The following ZNF804B variants were observed in gnomAD, a reference collection of about 807,000 sequenced individuals.
ZNF804B encodes zinc finger 804B.
A neutral mutation model predicts 101.4 loss-of-function variants in ZNF804B; 80 were observed. That is an observed-to-expected ratio of 0.79 (90% CI 0.66 to 0.95). The LOEUF (loss-of-function observed/expected upper bound fraction) is 0.95. Ranked by LOEUF, ZNF804B falls within the 40% of genes least tolerant of loss-of-function variation. ZNF804B has a pLI of 0.00. For synonymous variants in ZNF804B, 622 were observed against 558.8 expected (o/e 1.11, Z -1.59); for missense variants, 1,673 against 1,561.9 (o/e 1.07, Z -1.20).
chr7:88,871,283 T>G (rs1298319788), intron 1 of ZNF804B, among the ~76,000 whole-genome samples: 3 of 152,102 alleles, frequency 2.0e-5, no homozygotes, highest in Non-Finnish European at 4.4e-5. Flanking sequence ...TATTAGGGAA[T>G]CTGAACTGAA....
chr7:88,775,728 C>T (rs1361051957), intron 1 of ZNF804B, among the ~76,000 whole-genome samples: 1 of 152,142 alleles, frequency 6.6e-6, no homozygotes, highest in Non-Finnish European at 1.5e-5. Flanking sequence ...AGTCAACAGA[C>T]GAGGCAACTC....
intron 1 of ZNF804B, among the ~76,000 whole-genome samples, chr7:88,926,943 C>CGGGGG (rs371226583): frequency 2.8e-5 from 4 of 144,448 alleles, no homozygotes; most frequent in African/African-American, 1.1e-4. Context: ...TGGTGGGGAG[C>CGGGGG]GGGGGGAAAG....
chr7:89,273,017 G>GT (rs1789921955), intron 2 of ZNF804B, among the ~76,000 whole-genome samples: 2 of 151,984 alleles, frequency 1.3e-5, no homozygotes, highest in African/African-American at 4.8e-5. Context: ...ATAAACAGTT[G>GT]TTTTTTGTAA....
intron 1 of ZNF804B, among the ~76,000 whole-genome samples, chr7:88,809,880 C>T (rs1350761816): frequency 6.6e-6 from 1 of 152,186 alleles, no homozygotes; most frequent in Non-Finnish European, 1.5e-5. Context: ...CAGTAACCAT[C>T]CTGACCTTTC....
rs759010723 is a variant in ZNF804B, at chr7:89,336,158, T to G, written c.3176T>G (p.Ile1059Ser). ...KEQSKPLISEIQPFIQSCDPV... is the reference protein window; with the variant it reads ...KEQSKPLISESQPFIQSCDPV... ...CAATCAAAACCTTTAATTAGTGAAA[T>G]CCAACCTTTTATTCAAAGCTGTGAC... Residue 1059 changes from isoleucine (I) to serine (S), a missense_variant, in exon 4 of 4, where the codon ATC becomes AGC. Physicochemically the swap from Ile to Ser is moderately radical, Grantham distance 142. Coordinates refer to ENST00000333190, the MANE Select transcript of ZNF804B (RefSeq NM_181646.5). 1.2e-6 allele frequency: 2 copies of G among 1,613,896 alleles called. No individual in the cohort carries two copies. Among genetic ancestry groups the G allele is most frequent in the East Asian group, 2.2e-5 (1 of 44,836 alleles).
chr7:89,129,236 A>T (rs976762916), intron 1 of ZNF804B, among the ~76,000 whole-genome samples: 1 of 152,026 alleles, frequency 6.6e-6, no homozygotes, highest in Non-Finnish European at 1.5e-5. Context: ...GATCCACCTT[A>T]TATATTCAAT....
intron 1 of ZNF804B, among the ~76,000 whole-genome samples, chr7:88,911,536 T>C (rs1792550778): frequency 2.0e-5 from 3 of 150,656 alleles, no homozygotes; most frequent in Admixed American, 2.0e-4. Flanking sequence ...AAACTTCTTT[T>C]CACCTAATAT....
chr7:88,891,482 C>A (rs963469398), intron 1 of ZNF804B, among the ~76,000 whole-genome samples: 3 of 152,086 alleles, frequency 2.0e-5, no homozygotes, highest in Non-Finnish European at 4.4e-5. Flanking sequence ...ATTAGACTAT[C>A]ATGTAATTCA....
rs188674573 is a variant in ZNF804B at position 89,202,915 on chromosome 7, G to A, written c.109-15240G>A. Among the ~76,000 whole-genome samples the A allele has an allele frequency of 6.1e-4, 93 of 151,982 alleles. 1 individual carries two copies. Among genetic ancestry groups the A allele is most frequent in the Admixed American group, 5.3e-3 (81 of 15,264 alleles). ...TACAATGGGCCCACAACTTCTATTC[G>A]TATTGTAGCTACAATAGACGTATTG... On this transcript the variant is annotated intron_variant, in intron 1 of 3. Coordinates refer to ENST00000333190, the MANE Select transcript of ZNF804B (RefSeq NM_181646.5).
chr7:88,968,561 G>A (rs1793489112), intron 1 of ZNF804B, among the ~76,000 whole-genome samples: 1 of 151,578 alleles, frequency 6.6e-6, no homozygotes, highest in Admixed American at 6.6e-5. Context: ...GATATGGTGA[G>A]TGCCTTGAAC....
At chr7:88,975,841 A>T (rs1793608906) in intron 1 of ZNF804B, among the ~76,000 whole-genome samples, 1 of 151,356 alleles carries the variant, frequency 6.6e-6, no homozygotes, top group Non-Finnish European at 1.5e-5. Context: ...CCCAAAGTGC[A>T]TGCAACCAAA....
chr7:88,842,466 G>T (rs759720332), intron 1 of ZNF804B, among the ~76,000 whole-genome samples: 1 of 152,184 alleles, frequency 6.6e-6, no homozygotes, highest in Non-Finnish European at 1.5e-5. Context: ...GCCTGCAGCA[G>T]ACATTTATGA....
At chr7:88,889,261 A>T (rs1037028177) in intron 1 of ZNF804B, among the ~76,000 whole-genome samples, 1 of 152,096 alleles carries the variant, frequency 6.6e-6, no homozygotes, top group Admixed American at 6.6e-5. Context: ...ATAGGAGTAC[A>T]TGTGTCTTTC....
At chr7:88,859,763 TATTTAGATATAAAC>T in intron 1 of ZNF804B, among the ~76,000 whole-genome samples, 1 of 151,966 alleles carries the variant, frequency 6.6e-6, no homozygotes, top group South Asian at 2.1e-4. Context: ...AATATAGTGT[TATTTAGATATAAAC>T]TAATATCTAT....
chr7:88,858,925 GA>G (rs1228913810), intron 1 of ZNF804B, among the ~76,000 whole-genome samples: 1 of 151,960 alleles, frequency 6.6e-6, no homozygotes, highest in Non-Finnish European at 1.5e-5. Flanking sequence ...GTAATTTTAG[GA>G]AATAAAACAG....
At chr7:89,282,193 T>C in intron 2 of ZNF804B, among the ~76,000 whole-genome samples, 1 of 104,672 alleles carries the variant, frequency 9.6e-6, no homozygotes. Context: ...AGAGCGAGAC[T>C]CCGTCTAAAA....
intron 1 of ZNF804B, among the ~76,000 whole-genome samples, chr7:88,849,428 TTATAAA>T (rs1331594016): frequency 3.9e-5 from 6 of 151,906 alleles, no homozygotes; most frequent in Non-Finnish European, 8.8e-5. Context: ...ATATTTTTAA[TTATAAA>T]TATTGAGTAA....
chr7:89,059,458 A>G (rs1446300773), intron 1 of ZNF804B, among the ~76,000 whole-genome samples: 1 of 151,988 alleles, frequency 6.6e-6, no homozygotes, highest in Non-Finnish European at 1.5e-5. Flanking sequence ...GAAAAGGAGG[A>G]GATCTTAGAC....
In ZNF804B at chr7:88,886,099, C is replaced by T. The variant is rs116408237; in HGVS notation, c.108+126015C>T. 1.8e-3 allele frequency among the ~76,000 whole-genome samples: 277 copies of T among 151,860 alleles called. 2 individuals are homozygous for T. The highest frequency in any genetic ancestry group is 6.1e-3 in the African/African-American group (254 of 41,434). On this transcript the variant is annotated intron_variant, in intron 1 of 3. Transcript: ENST00000333190. ...TAAGATATGAACATAATTTAGGAGA[C>T]GAATTAGTTCAAAACAATGGACCAT... is the stretch of plus-strand genomic sequence containing the variant.
Sources: gnomAD v4.1 joint callset for allele counts (sites outside exome capture counted in the v4.1 genomes callset) on GRCh38, gnomAD v4.1.1 for gene constraint, MANE v1.5 for transcripts, NCBI Gene and HGNC (gene_info 2026-07-23, HGNC 2026-07-21) for gene names.